Variants in ITGA8 observed in about 807,000 individuals in gnomAD.
ITGA8 encodes the protein integrin alpha-8.
ITGA8 carries 91 observed loss-of-function variants against 142.3 expected under a neutral mutation model. That is an observed-to-expected ratio of 0.64 (90% CI 0.54 to 0.76). The LOEUF (loss-of-function observed/expected upper bound fraction) is 0.76, where lower values mean the gene tolerates loss of function less well. Among genes scored for constraint, ITGA8 ranks in the 30% least tolerant of loss-of-function variants. The probability of loss-of-function intolerance (pLI) is 0.00; values close to 1 mark genes in which losing one functional copy is unlikely to be tolerated. For missense variants in ITGA8, 1,406 were observed against 1,327.7 expected (o/e 1.06, Z -0.92); for synonymous variants, 505 against 485.2 (o/e 1.04, Z -0.54).
intron 23 of ITGA8, among the ~76,000 whole-genome samples, chr10:15,578,024 T>G (rs1045940459): frequency 6.6e-6 from 1 of 152,182 alleles, no homozygotes; most frequent in African/African-American, 2.4e-5. Flanking sequence ...AGAGATTCCA[T>G]GTACCATTTA....
At chr10:15,582,639 C>T (rs1489425093) in intron 23 of ITGA8, among the ~76,000 whole-genome samples, 1 of 152,168 alleles carries the variant, frequency 6.6e-6, no homozygotes, top group African/African-American at 2.4e-5. Context: ...GGATACTTCA[C>T]CAAAAATGAG....
chr10:15,664,383 A>T (rs941983678), intron 8 of ITGA8, among the ~76,000 whole-genome samples: 19 of 152,196 alleles, frequency 1.2e-4, no homozygotes, highest in African/African-American at 4.6e-4. Flanking sequence ...AGGAAAAAAT[A>T]AAACCTGATT....
chr10:15,529,479 C>G (rs966344702), intron 28 of ITGA8, among the ~76,000 whole-genome samples: 2 of 152,250 alleles, frequency 1.3e-5, no homozygotes, highest in East Asian at 1.9e-4. Flanking sequence ...ATCTTGAAAA[C>G]CTTGGATTTT....
chr10:15,606,955 G>A (rs757456921), intron 17 of ITGA8, among the ~76,000 whole-genome samples: 22 of 152,234 alleles, frequency 1.4e-4, no homozygotes, highest in Middle Eastern at 3.4e-3. Flanking sequence ...GTAGAGAGGG[G>A]TAAGCACCAA....
chr10:15,624,816 G>A, intron 13 of ITGA8, among the ~76,000 whole-genome samples: 1 of 152,138 alleles, frequency 6.6e-6, no homozygotes, highest in East Asian at 1.9e-4. Flanking sequence ...AGAAATAAGA[G>A]AATTCGAGAT....
intron 25 of ITGA8, among the ~76,000 whole-genome samples, chr10:15,567,768 G>A (rs973667441): frequency 6.6e-5 from 10 of 152,146 alleles, no homozygotes; most frequent in Non-Finnish European, 1.5e-4. Context: ...CACCAGTTGT[G>A]CAGCTCACCC....
chr10:15,711,392 G>A (rs1222143333), intron 2 of ITGA8, among the ~76,000 whole-genome samples: 1 of 151,958 alleles, frequency 6.6e-6, no homozygotes, highest in African/African-American at 2.4e-5. Flanking sequence ...TTGACCATGG[G>A]CTCAGAGCAA....
At chr10:15,519,103 G>A (rs192921089) in intron 29 of ITGA8, among the ~76,000 whole-genome samples, 187 bp downstream of exon 29, 1 of 152,300 alleles carries the variant, frequency 6.6e-6, no homozygotes, top group Admixed American at 6.5e-5. Context: ...CATCTTAAAT[G>A]TCAGCTATAT....
chr10:15,539,201 T>C (rs1833518394), intron 27 of ITGA8, among the ~76,000 whole-genome samples: 1 of 149,924 alleles, frequency 6.7e-6, no homozygotes, highest in African/African-American at 2.5e-5. Context: ...GCTCTGATCA[T>C]GGAACCTACC....
intron 8 of ITGA8, among the ~76,000 whole-genome samples, chr10:15,665,309 G>A (rs1259377557): frequency 3.3e-5 from 5 of 152,168 alleles, no homozygotes; most frequent in Non-Finnish European, 7.3e-5. Flanking sequence ...CTGCATAAAT[G>A]TCTTCTTTTG....
At chr10:15,713,176 G>T (rs1835391818) in intron 2 of ITGA8, among the ~76,000 whole-genome samples, 1 of 152,156 alleles carries the variant, frequency 6.6e-6, no homozygotes, top group South Asian at 2.1e-4. Context: ...AGGGATGATG[G>T]TTGCCTCTGT....
chr10:15,672,237 T>C (rs1402073018), intron 7 of ITGA8, among the ~76,000 whole-genome samples: 4 of 152,220 alleles, frequency 2.6e-5, no homozygotes, highest in Non-Finnish European at 5.9e-5. Context: ...AATGACATTG[T>C]GTGGTTTGTG....
chr10:15,530,330 A>T (rs1833262189), intron 28 of ITGA8, among the ~76,000 whole-genome samples: 2 of 151,930 alleles, frequency 1.3e-5, no homozygotes, highest in South Asian at 4.2e-4. Flanking sequence ...GGCGGATCAC[A>T]AGTTCAGGAG....
chr10:15,621,474 G>A (rs901337515), intron 13 of ITGA8, among the ~76,000 whole-genome samples: 1 of 152,078 alleles, frequency 6.6e-6, no homozygotes, highest in Admixed American at 6.6e-5. Flanking sequence ...TTTTAAATGA[G>A]GAAGAAAAGC....
At chr10:15,639,323 C>T (rs1833827889) in intron 13 of ITGA8, among the ~76,000 whole-genome samples, 1 of 152,116 alleles carries the variant, frequency 6.6e-6, no homozygotes, top group African/African-American at 2.4e-5. Context: ...CATCTGACTC[C>T]TGTAGACCTG....
intron 9 of ITGA8, among the ~76,000 whole-genome samples, chr10:15,660,264 T>C (rs1834259733): frequency 1.3e-5 from 2 of 152,194 alleles, no homozygotes; most frequent in Admixed American, 6.5e-5. Context: ...CTTGGTTTAA[T>C]GGTCTGCTGT....
intron 2 of ITGA8, among the ~76,000 whole-genome samples, chr10:15,702,132 A>T (rs984597363): frequency 1.3e-5 from 2 of 152,176 alleles, no homozygotes; most frequent in Non-Finnish European, 2.9e-5. Context: ...TTTCCTTACG[A>T]TGTTCGAGAG....
chr10:15,545,975 A>C (rs1382676078), intron 27 of ITGA8, among the ~76,000 whole-genome samples: 1 of 152,142 alleles, frequency 6.6e-6, no homozygotes, highest in African/African-American at 2.4e-5. Context: ...ATCAGTGGTG[A>C]TACTGACACA....
chr10:15,668,394 A>G (rs1454476700), intron 8 of ITGA8, among the ~76,000 whole-genome samples: 3 of 148,744 alleles, frequency 2.0e-5, no homozygotes, highest in African/African-American at 7.4e-5. Context: ...CCATCCCTTT[A>G]TTTTGAGCCT....
Sources: gnomAD v4.1 joint callset for allele counts (sites outside exome capture counted in the v4.1 genomes callset) on GRCh38, gnomAD v4.1.1 for gene constraint, MANE v1.5 for transcripts, NCBI Gene and HGNC (gene_info 2026-07-23, HGNC 2026-07-21) for gene names.